LANCL2: variants seen among roughly 807,000 people sequenced by gnomAD.
LANCL2 encodes the protein LanC like glutathione S-transferase 2.
LANCL2 carries 33 observed loss-of-function variants against 56.9 expected under a neutral mutation model. That is an observed-to-expected ratio of 0.58 (90% CI 0.44 to 0.78). The LOEUF is 0.78. LANCL2 is among the 30% of genes least tolerant of loss of function. LANCL2 has a pLI of 0.00. For synonymous variants in LANCL2, 233 were observed against 228.2 expected (o/e 1.02, Z -0.19); for missense variants, 562 against 580.2 (o/e 0.97, Z 0.32).
intron 6 of LANCL2, among the ~76,000 whole-genome samples, chr7:55,416,375 T>G (rs1313198825): frequency 6.6e-6 from 1 of 152,102 alleles, no homozygotes; most frequent in Non-Finnish European, 1.5e-5. Context: ...AGCCTCGACC[T>G]TCAGGGCTCA....
chr7:55,371,909 TTG>T (rs144018831), intron 1 of LANCL2, among the ~76,000 whole-genome samples: 13 of 150,756 alleles, frequency 8.6e-5, no homozygotes, highest in Non-Finnish European at 1.0e-4. Flanking sequence ...ATGAACTAAA[TTG>T]TGTGTGTGTG....
Position 55,431,411 on chromosome 7 carries a change from A to G in LANCL2, c.*91A>G, listed in dbSNP as rs1341362650. ...CACAGAAACAACTGGGAATCCTGAA[A>G]GAGAAGCAGACACCGTCACAGGCCC... On this transcript the variant is annotated 3_prime_UTR_variant, in exon 9 of 9. Coordinates refer to ENST00000254770, the MANE Select transcript of LANCL2 (RefSeq NM_018697.4). The G allele has an allele frequency of 1.2e-6, 1 of 867,264 alleles. No individual in the cohort carries two copies. The highest frequency in any genetic ancestry group is 1.8e-6 in the Non-Finnish European group (1 of 554,118). 53.7% of individuals were successfully genotyped at this position (867,264 alleles called of 1,614,324 possible). A position where few individuals can be genotyped will look rare whatever the true frequency, so the allele number is the denominator to read the frequency against.
intron 1 of LANCL2, among the ~76,000 whole-genome samples, chr7:55,382,438 A>G (rs1054754472): frequency 2.0e-5 from 3 of 152,222 alleles, no homozygotes; most frequent in East Asian, 3.8e-4. Flanking sequence ...GCCCACACAG[A>G]GCTGCCTTAT....
chr7:55,419,859 C>G (rs1385165708), intron 6 of LANCL2, among the ~76,000 whole-genome samples: 1 of 151,694 alleles, frequency 6.6e-6, no homozygotes, highest in East Asian at 1.9e-4. Flanking sequence ...CTTTTTAAAA[C>G]TTCCTTCTAT....
chr7:55,412,792 A>AG (rs1790485690), intron 6 of LANCL2, among the ~76,000 whole-genome samples: 1 of 152,188 alleles, frequency 6.6e-6, no homozygotes, highest in Admixed American at 6.5e-5. Flanking sequence ...CATACATCAG[A>AG]GTATATAGCT....
At chr7:55,405,523 CACTT>C (rs1790395688) in intron 5 of LANCL2, among the ~76,000 whole-genome samples, 2 of 137,232 alleles carry the variant, frequency 1.5e-5, no homozygotes, top group Non-Finnish European at 3.1e-5. Flanking sequence ...GACAGGGTCT[CACTT>C]TTGCCCAAGC....
chr7:55,390,665 C>A (rs1390415774), intron 1 of LANCL2, among the ~76,000 whole-genome samples: 5 of 151,966 alleles, frequency 3.3e-5, no homozygotes, highest in African/African-American at 1.2e-4. Context: ...CCTGTAGTCC[C>A]AGCTACTCGG....
intron 1 of LANCL2, among the ~76,000 whole-genome samples, chr7:55,369,444 A>G (rs775100694): frequency 3.9e-5 from 6 of 152,202 alleles, no homozygotes; most frequent in South Asian, 2.1e-4. Flanking sequence ...AAACCACTCA[A>G]GTCGGCTTCT....
At chr7:55,366,276 G>A in intron 1 of LANCL2, 47 bp downstream of exon 1, 2 of 1,408,050 alleles carry the variant, frequency 1.4e-6, no homozygotes, top group Non-Finnish European at 1.9e-6. Flanking sequence ...GGAGCGCGGC[G>A]GTGGTAGCGT....
intron 8 of LANCL2, 42 bp from the exon 9 acceptor site, chr7:55,431,184 C>T (rs1790722938): frequency 6.9e-7 from 1 of 1,441,830 alleles, no homozygotes; most frequent in Non-Finnish European, 9.7e-7. Context: ...ATAGACACTA[C>T]CCTTATGCCA....
chr7:55,395,228 A>G (rs773421997), intron 2 of LANCL2, among the ~76,000 whole-genome samples: 4 of 152,214 alleles, frequency 2.6e-5, no homozygotes, highest in African/African-American at 4.8e-5. Context: ...TTTTATCCAT[A>G]ATATAAAGAA....
In LANCL2 at chr7:55,425,423, C is replaced by T. The variant is rs1790654173; in HGVS notation, c.1178C>T (p.Ala393Val). The T allele has an allele frequency of 6.2e-7, 1 of 1,613,856 alleles. No individual in the cohort carries two copies. Among genetic ancestry groups the T allele is most frequent in the Non-Finnish European group, 8.5e-7 (1 of 1,179,804 alleles). Residue 393 changes from alanine (A) to valine (V), a missense_variant, in exon 7 of 9, where the codon GCT (alanine) becomes GTT (valine). Around this residue, in one of 2 missense-constraint regions of LANCL2, gnomAD observed 378 missense variants for 468.4 expected, o/e 0.81. Coordinates refer to ENST00000254770, the MANE Select transcript of LANCL2 (RefSeq NM_018697.4). ...CAGGATAAGAAGTACCTCTACCGAG[C>T]TTGCAAGGTGAGGGTGGCTCTGTTG... ...LTQDKKYLYR[A>V]CKFAEWCLDY...
At chr7:55,390,310 A>C (rs1790172024) in intron 1 of LANCL2, among the ~76,000 whole-genome samples, 1 of 152,240 alleles carries the variant, frequency 6.6e-6, no homozygotes, top group Admixed American at 6.5e-5. Flanking sequence ...GATTTATAAA[A>C]ATCAGCAAAG....
chr7:55,399,587 C>T (rs1016977207), intron 3 of LANCL2, among the ~76,000 whole-genome samples: 1 of 152,204 alleles, frequency 6.6e-6, no homozygotes, highest in Non-Finnish European at 1.5e-5. Flanking sequence ...AGGTGATCCA[C>T]CTACCTCGGC....
At chr7:55,387,387 G>C (rs2128992391) in intron 1 of LANCL2, among the ~76,000 whole-genome samples, 1 of 152,328 alleles carries the variant, frequency 6.6e-6, no homozygotes, top group East Asian at 1.9e-4. Flanking sequence ...TAACAGAACT[G>C]GTGGAAAAAG....
intron 2 of LANCL2, among the ~76,000 whole-genome samples, chr7:55,396,595 A>G (rs1790255536): frequency 2.6e-5 from 4 of 152,228 alleles, no homozygotes; most frequent in Admixed American, 1.3e-4. Flanking sequence ...GCCTGCTCAC[A>G]GGCGCGTGCT....
chr7:55,419,076 C>G (rs1300268153), intron 6 of LANCL2, among the ~76,000 whole-genome samples: 1 of 151,906 alleles, frequency 6.6e-6, no homozygotes, highest in East Asian at 1.9e-4. Context: ...TTTTCTTTTT[C>G]TATAAAATCT....
chr7:55,413,104 C>T (rs536854950), intron 6 of LANCL2, among the ~76,000 whole-genome samples: 79 of 152,272 alleles, frequency 5.2e-4, no homozygotes, highest in Non-Finnish European at 9.1e-4. Context: ...CAGAAAGTTA[C>T]GACGTTTGGT....
chr7:55,382,181 A>G (rs1790076523), intron 1 of LANCL2, among the ~76,000 whole-genome samples: 2 of 152,382 alleles, frequency 1.3e-5, no homozygotes, highest in Admixed American at 1.3e-4. Context: ...AGAACCAGAT[A>G]GTGAAACTAG....
Sources: gnomAD v4.1 joint callset for allele counts (sites outside exome capture counted in the v4.1 genomes callset) on GRCh38, gnomAD v4.1.1 for gene constraint, gnomAD v4.1.1 regional missense constraint, MANE v1.5 for transcripts, NCBI Gene and HGNC (gene_info 2026-07-23, HGNC 2026-07-21) for gene names.